Variants in FOXP1 observed in about 807,000 individuals in gnomAD.
FOXP1 encodes forkhead box protein P1.
FOXP1 carries 15 observed loss-of-function variants against 98.2 expected under a neutral mutation model. The ratio of observed to expected loss-of-function variants is 0.15; its 90% CI spans 0.10 to 0.24. The LOEUF is 0.24. Ranked by LOEUF, FOXP1 falls within the 10% of genes least tolerant of loss-of-function variation. The pLI is 1.00. For missense variants in FOXP1, 633 were observed against 848.5 expected (o/e 0.75, Z 3.15); for synonymous variants, 371 against 314.5 (o/e 1.18, Z -1.90).
At chr3:71,186,718 A>G (rs1036972379) in intron 6 of FOXP1, among the ~76,000 whole-genome samples, 1 of 152,222 alleles carries the variant, frequency 6.6e-6, no homozygotes, top group East Asian at 1.9e-4. Context: ...TCAAACGAAC[A>G]AACAAACAAA....
At chr3:71,392,067 T>G (rs2081077238) in intron 3 of FOXP1, among the ~76,000 whole-genome samples, 1 of 152,226 alleles carries the variant, frequency 6.6e-6, no homozygotes, top group Non-Finnish European at 1.5e-5. Context: ...CTCTGAATTT[T>G]CTTTAGAAAA....
intron 3 of FOXP1, among the ~76,000 whole-genome samples, chr3:71,381,437 C>CTTTTT (rs1171799165): frequency 7.7e-5 from 6 of 77,694 alleles, no homozygotes; most frequent in South Asian, 4.5e-4. Flanking sequence ...TGCGCCTGGC[C>CTTTTT]TTTTTTTTTT....
intron 3 of FOXP1, among the ~76,000 whole-genome samples, chr3:71,429,990 T>C (rs2084549062): frequency 6.6e-6 from 1 of 152,210 alleles, no homozygotes. Context: ...ACTGGGAAGC[T>C]AGAAAAACTG....
At chr3:71,370,491 A>T (rs1347472917) in intron 3 of FOXP1, among the ~76,000 whole-genome samples, 1 of 152,198 alleles carries the variant, frequency 6.6e-6, no homozygotes, top group East Asian at 1.9e-4. Flanking sequence ...CCTTAAAAAT[A>T]CAAGGTTAGT....
chr3:71,277,463 T>C (rs1246662516), intron 5 of FOXP1, among the ~76,000 whole-genome samples: 2 of 152,194 alleles, frequency 1.3e-5, no homozygotes, highest in Non-Finnish European at 2.9e-5. Context: ...CATGCATCGC[T>C]GGACAGTTTT....
At chr3:70,973,091 T>TTA (rs1346323741) in intron 17 of FOXP1, among the ~76,000 whole-genome samples, 1 of 152,230 alleles carries the variant, frequency 6.6e-6, no homozygotes, top group East Asian at 1.9e-4. Context: ...GAACACTTGG[T>TTA]TAATACTGCT....
intron 4 of FOXP1, among the ~76,000 whole-genome samples, chr3:71,341,842 C>G (rs888084677): frequency 6.6e-6 from 1 of 152,212 alleles, no homozygotes; most frequent in Admixed American, 6.5e-5. Context: ...ATCATTTTCA[C>G]TCAGTAAAGA....
At chr3:71,157,574 A>C (rs868294200) in intron 6 of FOXP1, among the ~76,000 whole-genome samples, 7 of 152,230 alleles carry the variant, frequency 4.6e-5, no homozygotes, top group African/African-American at 1.2e-4. Context: ...CCTATTGATT[A>C]AATAGGAGAG....
intron 2 of FOXP1, among the ~76,000 whole-genome samples, chr3:71,552,037 T>C (rs1404979530): frequency 6.6e-6 from 1 of 152,196 alleles, no homozygotes; most frequent in Non-Finnish European, 1.5e-5. Context: ...TGCCTGTCTT[T>C]GTGCAAAGAT....
intron 3 of FOXP1, among the ~76,000 whole-genome samples, chr3:71,438,487 A>C (rs1183336893): frequency 6.6e-6 from 1 of 152,142 alleles, no homozygotes; most frequent in African/African-American, 2.4e-5. Flanking sequence ...TCAGCAGAGG[A>C]AACTCTGGCT....
chr3:71,260,812 G>A (rs1312512770), intron 5 of FOXP1, among the ~76,000 whole-genome samples: 1 of 152,042 alleles, frequency 6.6e-6, no homozygotes, highest in African/African-American at 2.4e-5. Context: ...AAAGTGCTGG[G>A]ATTACAGGCA....
chr3:71,488,304 T>C (rs533100283), intron 3 of FOXP1, among the ~76,000 whole-genome samples: 41 of 152,366 alleles, frequency 2.7e-4, no homozygotes, highest in African/African-American at 9.4e-4. Context: ...TATTTTTTAA[T>C]TGACAAATGG....
intron 2 of FOXP1, among the ~76,000 whole-genome samples, chr3:71,499,076 TC>T (rs1179978374): frequency 6.6e-6 from 1 of 151,996 alleles, no homozygotes; most frequent in South Asian, 2.1e-4. Context: ...CCACTCACTA[TC>T]CCCCACCCAG....
intron 17 of FOXP1, among the ~76,000 whole-genome samples, chr3:70,972,928 T>C (rs1298376582): frequency 6.6e-6 from 1 of 152,208 alleles, no homozygotes; most frequent in Non-Finnish European, 1.5e-5. Context: ...GAAATATTTT[T>C]TAATATGCAT....
chr3:70,966,447 C>CCAGTATTGGATATTAGAGATTT, intron 19 of FOXP1: 1 of 292,698 alleles, frequency 3.4e-6, no homozygotes. Flanking sequence ...TTTGATGACT[C>CCAGTATTGGATATTAGAGATTT]CAGTATTGGA....
chr3:71,217,190 A>C (rs1316879298), intron 5 of FOXP1, among the ~76,000 whole-genome samples: 3 of 152,182 alleles, frequency 2.0e-5, no homozygotes, highest in South Asian at 4.2e-4. Context: ...CTCCTGCTTC[A>C]GCCTCCCGAA....
At chr3:71,405,456 T>G (rs1421539517) in intron 3 of FOXP1, among the ~76,000 whole-genome samples, 2 of 152,056 alleles carry the variant, frequency 1.3e-5, no homozygotes, top group Admixed American at 1.3e-4. Context: ...CCACCCTAGG[T>G]AGAAGTTCAC....
At chr3:71,217,331 G>A (rs1348651290) in intron 5 of FOXP1, among the ~76,000 whole-genome samples, 2 of 152,002 alleles carry the variant, frequency 1.3e-5, no homozygotes, top group African/African-American at 2.4e-5. Context: ...CCTTGGCCTC[G>A]CAAAGTGCTA....
chr3:71,461,661 C>T (rs376612239), intron 3 of FOXP1, among the ~76,000 whole-genome samples: 1 of 151,976 alleles, frequency 6.6e-6, no homozygotes, highest in African/African-American at 2.4e-5. Flanking sequence ...ATTAGCAGGG[C>T]GTGGTGACAG....
Sources: allele counts gnomAD v4.1 joint callset (sites outside exome capture counted in the v4.1 genomes callset), GRCh38; gene constraint gnomAD v4.1.1; transcripts MANE v1.5; gene names NCBI Gene and HGNC (gene_info 2026-07-23, HGNC 2026-07-21).